SIL1: variants seen among roughly 807,000 people sequenced by gnomAD.
SIL1 encodes the protein nucleotide exchange factor SIL1.
SIL1 carries 40 observed loss-of-function variants against 49.1 expected under a neutral mutation model. The observed-to-expected ratio is 0.81, with a 90% CI of 0.63 to 1.06. The LOEUF (loss-of-function observed/expected upper bound fraction) is 1.06. Ranked by LOEUF, SIL1 falls within the 50% of genes least tolerant of loss-of-function variation. SIL1 has a pLI of 0.00. For synonymous variants in SIL1, 253 were observed against 250.8 expected, an observed-to-expected ratio of 1.01 and a Z score of -0.08; for missense variants, 500 against 572.6, an observed-to-expected ratio of 0.87 and a Z score of 1.29.
chr5:139,003,309 G>C (rs926843033), intron 7 of SIL1, among the ~76,000 whole-genome samples: 15 of 152,138 alleles, frequency 9.9e-5, no homozygotes, highest in African/African-American at 3.4e-4. Context: ...AGTGTTAACA[G>C]TCTGCTCCTT....
At chr5:138,955,106 C>T (rs1163570466) in intron 7 of SIL1, among the ~76,000 whole-genome samples, 1 of 152,192 alleles carries the variant, frequency 6.6e-6, no homozygotes, top group Non-Finnish European at 1.5e-5. Flanking sequence ...CTGGAGGGAC[C>T]AGTCCTGCTG....
chr5:138,978,022 T>C (rs1332834925), intron 7 of SIL1, among the ~76,000 whole-genome samples: 1 of 152,248 alleles, frequency 6.6e-6, no homozygotes, highest in Non-Finnish European at 1.5e-5. Flanking sequence ...TATATCATCC[T>C]ATTTTATTTT....
intron 5 of SIL1, among the ~76,000 whole-genome samples, chr5:139,033,529 C>T (rs928727706): frequency 6.6e-6 from 1 of 151,688 alleles, no homozygotes; most frequent in Non-Finnish European, 1.5e-5. Context: ...TAGTTGGATC[C>T]TGCAAATTTT....
rs115800498 is a variant in SIL1 at position 139,042,705 on chromosome 5, G to A, written c.368C>T (p.Thr123Ile). 11,385 of 1,614,034 alleles carry A rather than the reference G, an allele frequency of 7.1e-3. 65 individuals are homozygous for A. Among genetic ancestry groups the A allele is most frequent in the Non-Finnish European group, 8.6e-3 (10,099 of 1,179,922 alleles). ...GAGATCCTGAGATGTGTAGGTGTTG[G>A]TGTTGATATCCAGCCTGTCCAAAGA... ...NLKGKRLDIN[T>I]NTYTSQDLKS... is the part of the protein sequence containing the mutation. The change falls in exon 5 of 10, where the codon ACC becomes ATC. Residue 123 changes from threonine to isoleucine, a missense_variant. Coordinates refer to ENST00000394817, the MANE Select transcript of SIL1 (RefSeq NM_022464.5).
At chr5:139,041,689 A>G (rs1308262325) in intron 5 of SIL1, among the ~76,000 whole-genome samples, 1 of 152,070 alleles carries the variant, frequency 6.6e-6, no homozygotes, top group East Asian at 1.9e-4. Context: ...CTGTAATCCC[A>G]GCTACTCAGG....
chr5:138,957,414 TAAAA>T (rs58144526), intron 7 of SIL1, among the ~76,000 whole-genome samples: 2 of 91,448 alleles, frequency 2.2e-5, no homozygotes, highest in Admixed American at 2.4e-4. Context: ...TCTGCAAAAG[TAAAA>T]AAAAAAAAAA....
At chr5:139,072,395 T>C (rs1224509026) in intron 3 of SIL1, among the ~76,000 whole-genome samples, 1 of 152,154 alleles carries the variant, frequency 6.6e-6, no homozygotes, top group Non-Finnish European at 1.5e-5. Flanking sequence ...AATAAATCCA[T>C]ACATGCATTT....
At chr5:139,074,251 C>A (rs976221966) in intron 3 of SIL1, among the ~76,000 whole-genome samples, 3 of 152,112 alleles carry the variant, frequency 2.0e-5, no homozygotes, top group African/African-American at 7.2e-5. Flanking sequence ...GAGACAAGGT[C>A]TTACTATGTT....
intron 1 of SIL1, among the ~76,000 whole-genome samples, chr5:139,130,424 G>A (rs1750841836): frequency 6.6e-6 from 1 of 152,088 alleles, no homozygotes; most frequent in South Asian, 2.1e-4. Context: ...AAACCACAAT[G>A]ATACACCACT....
chr5:138,957,920 CT>C (rs528121887), intron 7 of SIL1, among the ~76,000 whole-genome samples: 6,999 of 141,068 alleles, frequency 0.05, 393 homozygotes, highest in African/African-American at 0.16. Flanking sequence ...TTAAGAAACA[CT>C]TTTTTTTTTT....
chr5:139,121,400 T>C (rs766670047), intron 2 of SIL1, among the ~76,000 whole-genome samples: 6 of 152,130 alleles, frequency 3.9e-5, no homozygotes, highest in Non-Finnish European at 7.3e-5. Context: ...TGTGGTACTT[T>C]TGAAAATGCA....
intron 2 of SIL1, among the ~76,000 whole-genome samples, chr5:139,122,895 G>A (rs11948429): frequency 0.27 from 41,243 of 152,128 alleles, 6,222 homozygotes; most frequent in Middle Eastern, 0.38. Context: ...CTCCAGCATA[G>A]TGCTTAAGAT....
intron 1 of SIL1, among the ~76,000 whole-genome samples, chr5:139,168,307 C>T (rs1275969367): frequency 6.6e-6 from 1 of 152,242 alleles, no homozygotes. Context: ...AGCCTTGCAA[C>T]TTCCAGGGAA....
intron 3 of SIL1, among the ~76,000 whole-genome samples, chr5:139,101,733 T>G (rs1006453807): frequency 6.6e-6 from 1 of 152,214 alleles, no homozygotes; most frequent in Non-Finnish European, 1.5e-5. Context: ...CACAGGTAGG[T>G]AGGCATTCAA....
chr5:139,146,390 C>G (rs916817652), intron 1 of SIL1, among the ~76,000 whole-genome samples: 4 of 151,980 alleles, frequency 2.6e-5, no homozygotes, highest in African/African-American at 9.7e-5. Flanking sequence ...GACCCTGTCT[C>G]TACAAAAAAT....
chr5:138,996,434 G>A (rs1271654343), intron 7 of SIL1, among the ~76,000 whole-genome samples: 1 of 151,006 alleles, frequency 6.6e-6, no homozygotes, highest in African/African-American at 2.4e-5. Flanking sequence ...TCCTTTGTCA[G>A]ATGGATAGTT....
chr5:139,011,195 C>T (rs1158830894), intron 7 of SIL1, among the ~76,000 whole-genome samples: 5 of 150,672 alleles, frequency 3.3e-5, no homozygotes, highest in African/African-American at 9.8e-5. Flanking sequence ...GTCTGAAAAG[C>T]GCAATATTCG....
At chr5:138,970,815 T>C (rs1304038361) in intron 7 of SIL1, among the ~76,000 whole-genome samples, 1 of 151,822 alleles carries the variant, frequency 6.6e-6, no homozygotes, top group African/African-American at 2.4e-5. Context: ...GGCAGGAGAA[T>C]AGCTTGAACC....
intron 2 of SIL1, among the ~76,000 whole-genome samples, chr5:139,125,947 C>T (rs552313323): frequency 6.6e-5 from 10 of 152,212 alleles, no homozygotes; most frequent in Non-Finnish European, 5.9e-5. Context: ...TACACACAGC[C>T]GGCCTTTCCT....
Sources: gnomAD v4.1 joint callset for allele counts (sites outside exome capture counted in the v4.1 genomes callset) on GRCh38, gnomAD v4.1.1 for gene constraint, MANE v1.5 for transcripts, NCBI Gene and HGNC (gene_info 2026-07-23, HGNC 2026-07-21) for gene names.